CHID1: variants seen among roughly 807,000 people sequenced by gnomAD.
CHID1 encodes chitinase domain-containing protein 1.
In CHID1, 44 loss-of-function variants were observed where a neutral mutation model predicts 55.4. The observed-to-expected ratio is 0.79, with a 90% CI of 0.62 to 1.02. The LOEUF is 1.02. Among genes scored for constraint, CHID1 ranks in the 50% least tolerant of loss-of-function variants. CHID1 has a pLI of 0.00. For missense variants in CHID1, 491 were observed against 515.3 expected, an observed-to-expected ratio of 0.95 and a Z score of 0.46; for synonymous variants, 216 against 212.9, an observed-to-expected ratio of 1.01 and a Z score of -0.13.
At chr11:894,660 A>G (rs1851124740) in intron 7 of CHID1, among the ~76,000 whole-genome samples, 1 of 152,140 alleles carries the variant, frequency 6.6e-6, no homozygotes, top group South Asian at 2.1e-4. Flanking sequence ...GAGGACTGAG[A>G]GTGGGGCAAG....
chr11:886,402 T>G (rs929984303), intron 8 of CHID1, among the ~76,000 whole-genome samples: 3 of 151,994 alleles, frequency 2.0e-5, no homozygotes, highest in Non-Finnish European at 4.4e-5. Flanking sequence ...GAGGCTGCCG[T>G]GAGCCCTGAT....
chr11:906,938 G>C (rs1488540517), intron 1 of CHID1, among the ~76,000 whole-genome samples: 1 of 152,164 alleles, frequency 6.6e-6, no homozygotes, highest in Non-Finnish European at 1.5e-5. Flanking sequence ...TGAGACAGGA[G>C]AATCACTTGA....
At chr11:909,292 C>T (rs1427005596) in intron 1 of CHID1, among the ~76,000 whole-genome samples, 2 of 152,262 alleles carry the variant, frequency 1.3e-5, no homozygotes, top group African/African-American at 4.8e-5. Context: ...CAAACCGTTT[C>T]TTCCCCAAAT....
chr11:914,365 A>C, upstream of CHID1: 2 of 412,446 alleles, frequency 4.8e-6, no homozygotes, highest in South Asian at 3.9e-5. Flanking sequence ...CCCAGGTCTG[A>C]CCTGCCCTGA....
rs146695411 is a variant in CHID1, at chr11:883,264, G to A, written c.843C>T (p.Cys281=). The A allele has an allele frequency of 7.4e-5, 119 of 1,614,086 alleles. No homozygotes were observed. The African/African-American group carries it at 7.5e-4, about 10-fold the overall frequency. ...TGGACTTCGGGTCCAGGACCTGGAC[G>A]CAGGCTCGAACCCAGGACAGGGGTG... ...PNAPLSWVRA[C]VQVLDPKSKW... The change falls in exon 10 of 13, where the codon TGC becomes TGT. Residue 281 remains cysteine, a synonymous_variant. Coordinates refer to ENST00000323578, the MANE Select transcript of CHID1 (RefSeq NM_023947.4).
intron 8 of CHID1, 83 bp downstream of exon 8, chr11:893,344 C>G: frequency 8.9e-7 from 1 of 1,127,572 alleles, no homozygotes; most frequent in Non-Finnish European, 1.3e-6. Flanking sequence ...AGGGCCTGGG[C>G]CCTTTGGCCG....
intron 9 of CHID1, among the ~76,000 whole-genome samples, 180 bp from the exon 10 acceptor site, chr11:883,483 C>T (rs1184283014): frequency 6.6e-6 from 1 of 152,042 alleles, no homozygotes; most frequent in Non-Finnish European, 1.5e-5. Flanking sequence ...CCATGAGGGA[C>T]GTCACGTCCA....
chr11:891,797 C>T (rs772643439), intron 8 of CHID1, among the ~76,000 whole-genome samples: 47 of 152,146 alleles, frequency 3.1e-4, no homozygotes, highest in Non-Finnish European at 5.3e-4. Context: ...CAGCCCCCTT[C>T]AAACCCTGGG....
intron 5 of CHID1, 103 bp downstream of exon 5, chr11:900,833 A>G (rs1324848604): frequency 1.8e-5 from 17 of 947,898 alleles, no homozygotes; most frequent in Non-Finnish European, 2.7e-5. Flanking sequence ...GTGCCGCAGC[A>G]GCACAGCCGG....
intron 8 of CHID1, among the ~76,000 whole-genome samples, chr11:891,513 C>A (rs1268200747): frequency 6.6e-6 from 1 of 152,182 alleles, no homozygotes; most frequent in Non-Finnish European, 1.5e-5. Flanking sequence ...AGAAGACAGG[C>A]ACCTGGTCCT....
chr11:905,889 TAAA>T (rs1852177940), intron 1 of CHID1, among the ~76,000 whole-genome samples: 1 of 151,934 alleles, frequency 6.6e-6, no homozygotes, highest in Non-Finnish European at 1.5e-5. Flanking sequence ...ATTCAGGAAA[TAAA>T]GAAGGAAATG....
intron 10 of CHID1, among the ~76,000 whole-genome samples, chr11:871,212 C>T (rs1325088484): frequency 6.6e-6 from 1 of 152,068 alleles, no homozygotes; most frequent in Non-Finnish European, 1.5e-5. Flanking sequence ...AAGCTGGTCT[C>T]GAACTCCTGA....
intron 1 of CHID1, chr11:908,394 G>C (rs1310141995): frequency 6.0e-6 from 1 of 166,406 alleles, no homozygotes; most frequent in African/African-American, 2.4e-5. Flanking sequence ...CCCAGAATCA[G>C]AACCAAGGGC....
At position 897,472 on chromosome 11, in the gene CHID1, G is replaced by C. The variant is rs540158108; in HGVS notation, c.608+1868C>G. Among the ~76,000 whole-genome samples, 276 of 152,340 alleles carry C rather than the reference G, an allele frequency of 1.8e-3. 3 individuals carry two copies. Among genetic ancestry groups the C allele is most frequent in the South Asian group, 2.3e-3 (11 of 4,826 alleles). On this transcript the variant is annotated intron_variant, in intron 7 of 12. Transcript: ENST00000323578. The stretch of plus-strand genomic sequence containing the variant: ...CTGCTGAGACACCCCTCTCCTCAGA[G>C]GGTAATGGAAGGTCAGCCCCGGCAG...
intron 7 of CHID1, among the ~76,000 whole-genome samples, chr11:898,747 G>A (rs1245236020): frequency 3.9e-5 from 6 of 152,216 alleles, no homozygotes; most frequent in Admixed American, 6.5e-5. Context: ...TGGTCATGTG[G>A]CCCACAGGGA....
At chr11:892,001 A>G (rs923059424) in intron 8 of CHID1, among the ~76,000 whole-genome samples, 6 of 151,008 alleles carry the variant, frequency 4.0e-5, no homozygotes, top group African/African-American at 1.5e-4. Context: ...CTGTAGCCCC[A>G]GCTACTCAGG....
chr11:901,457 T>G (rs1851803639), intron 4 of CHID1, among the ~76,000 whole-genome samples: 1 of 152,186 alleles, frequency 6.6e-6, no homozygotes, highest in Admixed American at 6.5e-5. Context: ...GCCATTTCTC[T>G]CTGTCCGAGC....
chr11:903,390 G>A (rs186117593), intron 2 of CHID1, among the ~76,000 whole-genome samples: 2 of 152,346 alleles, frequency 1.3e-5, no homozygotes, highest in African/African-American at 4.8e-5. Context: ...AGTTATGGTG[G>A]CTCCCTCCTT....
At chr11:898,767 C>T (rs543134213) in intron 7 of CHID1, among the ~76,000 whole-genome samples, 11 of 152,278 alleles carry the variant, frequency 7.2e-5, no homozygotes, top group East Asian at 3.9e-4. Flanking sequence ...AGTGGGAACC[C>T]GCGAGGGTCA....
Sources: allele counts gnomAD v4.1 joint callset (sites outside exome capture counted in the v4.1 genomes callset), GRCh38; gene constraint gnomAD v4.1.1; transcripts MANE v1.5; gene names NCBI Gene and HGNC (gene_info 2026-07-23, HGNC 2026-07-21).